Variants in GPC6 observed in about 807,000 individuals in gnomAD.
The protein encoded by GPC6 is glypican-6.
GPC6 carries 14 observed loss-of-function variants against 55.2 expected under a neutral mutation model. The ratio of observed to expected loss-of-function variants is 0.25; its 90% CI spans 0.17 to 0.40. The LOEUF (loss-of-function observed/expected upper bound fraction) is 0.40, where lower values mean the gene tolerates loss of function less well. GPC6 is among the 10% of genes least tolerant of loss of function. The pLI is 1.00. For missense variants in GPC6, 641 were observed against 708.5 expected, an observed-to-expected ratio of 0.90 and a Z score of 1.08; for synonymous variants, 278 against 259.6, an observed-to-expected ratio of 1.07 and a Z score of -0.68.
intron 2 of GPC6, among the ~76,000 whole-genome samples, chr13:93,655,751 A>G (rs1013118905): frequency 2.6e-5 from 4 of 152,184 alleles, no homozygotes; most frequent in Admixed American, 1.3e-4. Flanking sequence ...GAATCTAAAA[A>G]TGTTACGTTA....
chr13:93,245,843 A>G (rs1025694518), intron 1 of GPC6, among the ~76,000 whole-genome samples: 1 of 152,230 alleles, frequency 6.6e-6, no homozygotes, highest in Non-Finnish European at 1.5e-5. Context: ...TAAGGAAAAG[A>G]GCAGAATGGG....
intron 3 of GPC6, among the ~76,000 whole-genome samples, chr13:93,973,120 C>T (rs1176846238): frequency 6.6e-6 from 1 of 152,122 alleles, no homozygotes; most frequent in Non-Finnish European, 1.5e-5. Context: ...CTTGTGTAAA[C>T]ATCGTAGAGT....
intron 3 of GPC6, among the ~76,000 whole-genome samples, chr13:93,835,606 G>T (rs1182526156): frequency 6.6e-6 from 1 of 152,092 alleles, no homozygotes; most frequent in African/African-American, 2.4e-5. Context: ...TACAAAATTA[G>T]CCGGGTGTGG....
intron 2 of GPC6, among the ~76,000 whole-genome samples, chr13:93,780,481 A>C (rs1189306266): frequency 6.6e-6 from 1 of 152,030 alleles, no homozygotes; most frequent in Non-Finnish European, 1.5e-5. Context: ...CAACCCCTAA[A>C]GCTTTCTCTA....
chr13:93,346,600 G>A (rs1454613495), intron 1 of GPC6, among the ~76,000 whole-genome samples: 1 of 152,122 alleles, frequency 6.6e-6, no homozygotes, highest in Non-Finnish European at 1.5e-5. Flanking sequence ...TGTTGCCCCA[G>A]TGTCTAAAGT....
chr13:93,928,267 T>C (rs1442318826), intron 3 of GPC6, among the ~76,000 whole-genome samples: 8 of 152,202 alleles, frequency 5.3e-5, no homozygotes, highest in Non-Finnish European at 1.2e-4. Context: ...TATTTCTTGG[T>C]TTTCTTGAAA....
chr13:94,092,964 T>A lies in GPC6; in HGVS notation c.877+65070T>A, dbSNP rs150523740. Among the ~76,000 whole-genome samples, 396 of 150,268 alleles carry A rather than the reference T, an allele frequency of 2.6e-3. 2 individuals carry two copies. Among genetic ancestry groups the A allele is most frequent in the Non-Finnish European group, 4.3e-3 (293 of 67,964 alleles). On this transcript the variant is annotated intron_variant, in intron 4 of 8. Coordinates refer to ENST00000377047, the MANE Select transcript of GPC6 (RefSeq NM_005708.5). Reference sequence around the variant, plus strand: ...CATTTTTTGCCCATTTTTAATTGGATTATTTGTTTTCTGGCTGAGTTGTTT... The same window carrying A: ...CATTTTTTGCCCATTTTTAATTGGAATATTTGTTTTCTGGCTGAGTTGTTT...
chr13:94,142,734 T>A (rs1256707849), intron 4 of GPC6, among the ~76,000 whole-genome samples: 3 of 151,962 alleles, frequency 2.0e-5, no homozygotes, highest in East Asian at 3.8e-4. Flanking sequence ...AGATATAAAA[T>A]ATAGTATTTC....
intron 3 of GPC6, among the ~76,000 whole-genome samples, chr13:93,995,655 C>G (rs764443188): frequency 4.6e-5 from 7 of 152,216 alleles, no homozygotes; most frequent in Middle Eastern, 3.4e-3. Context: ...AGAAACTTAT[C>G]AAATAATCAT....
chr13:93,542,439 G>A (rs1282912751), intron 1 of GPC6, among the ~76,000 whole-genome samples: 1 of 152,172 alleles, frequency 6.6e-6, no homozygotes, highest in East Asian at 1.9e-4. Context: ...TTGTAGTATA[G>A]TTTGAAGTCA....
At chr13:93,272,512 AT>A (rs1465057650) in intron 1 of GPC6, among the ~76,000 whole-genome samples, 3 of 148,470 alleles carry the variant, frequency 2.0e-5, no homozygotes, top group African/African-American at 4.9e-5. Flanking sequence ...ATATATATAT[AT>A]ATATATAACT....
At chr13:93,415,115 T>C (rs1016553304) in intron 1 of GPC6, among the ~76,000 whole-genome samples, 3 of 152,136 alleles carry the variant, frequency 2.0e-5, no homozygotes, top group Non-Finnish European at 2.9e-5. Flanking sequence ...ATTCTGGCTC[T>C]GATATCTGCT....
intron 2 of GPC6, among the ~76,000 whole-genome samples, chr13:93,801,028 C>G (rs1886352082): frequency 6.6e-6 from 1 of 152,172 alleles, no homozygotes; most frequent in Non-Finnish European, 1.5e-5. Flanking sequence ...CTGAATGGCA[C>G]AGTTATTTTT....
At chr13:94,337,130 C>T (rs1271144597) in intron 6 of GPC6, among the ~76,000 whole-genome samples, 1 of 152,186 alleles carries the variant, frequency 6.6e-6, no homozygotes, top group African/African-American at 2.4e-5. Context: ...TTTGAACCAA[C>T]ACATTTGCCC....
At chr13:94,142,762 G>A (rs552696034) in intron 4 of GPC6, among the ~76,000 whole-genome samples, 2 of 151,406 alleles carry the variant, frequency 1.3e-5, no homozygotes, top group Admixed American at 6.6e-5. Flanking sequence ...ATAACTTGAT[G>A]TATATTCCCA....
intron 1 of GPC6, among the ~76,000 whole-genome samples, chr13:93,353,731 A>AG (rs1439674336): frequency 6.6e-6 from 1 of 152,204 alleles, no homozygotes; most frequent in Non-Finnish European, 1.5e-5. Flanking sequence ...TACTCACCTA[A>AG]GTACTATAGG....
rs1004863864 is a variant in GPC6 at position 93,373,192 on chromosome 13, T to C, written c.160+145576T>C. ...TTTTGTTTTTCACCAGAGGAGATTT[T>C]TGGGGTGAATGTAATGAATGGACAG... On this transcript the variant is annotated intron_variant, in intron 1 of 8. Coordinates refer to ENST00000377047, the MANE Select transcript of GPC6 (RefSeq NM_005708.5). Among the ~76,000 whole-genome samples, 5 of 152,314 alleles carry C rather than the reference T, an allele frequency of 3.3e-5. No individual in the cohort carries two copies. In the South Asian group the frequency reaches 8.3e-4, roughly 25 times the overall value.
At chr13:93,586,312 T>C (rs1458534522) in intron 2 of GPC6, among the ~76,000 whole-genome samples, 1 of 152,230 alleles carries the variant, frequency 6.6e-6, no homozygotes, top group Non-Finnish European at 1.5e-5. Flanking sequence ...TATGGCTGCA[T>C]AGTATTCCAT....
intron 3 of GPC6, among the ~76,000 whole-genome samples, chr13:93,924,802 T>C (rs1877768932): frequency 6.6e-6 from 1 of 151,892 alleles, no homozygotes; most frequent in East Asian, 1.9e-4. Flanking sequence ...ATTAGTTAAG[T>C]TATGATGTCT....
Sources: allele counts gnomAD v4.1 joint callset (sites outside exome capture counted in the v4.1 genomes callset), GRCh38; gene constraint gnomAD v4.1.1; transcripts MANE v1.5; gene names NCBI Gene and HGNC (gene_info 2026-07-23, HGNC 2026-07-21).